Variants in NCKAP5 observed in about 807,000 individuals in gnomAD.
The protein encoded by NCKAP5 is nck-associated protein 5.
In NCKAP5, 92 loss-of-function variants were observed where a neutral mutation model predicts 167.0. The observed-to-expected ratio is 0.55, with a 90% CI of 0.47 to 0.66. NCKAP5 has a LOEUF of 0.66. Among genes scored for constraint, NCKAP5 ranks in the 30% least tolerant of loss-of-function variants. NCKAP5 has a pLI of 0.00. For synonymous variants in NCKAP5, 891 were observed against 877.4 expected, an observed-to-expected ratio of 1.02 and a Z score of -0.27; for missense variants, 2,378 against 2,315.0, an observed-to-expected ratio of 1.03 and a Z score of -0.56.
the NCKAP5 span, among the ~76,000 whole-genome samples, chr2:133,631,851 C>A: frequency 6.6e-6 from 1 of 152,074 alleles, no homozygotes; most frequent in Admixed American, 6.5e-5. Flanking sequence ...CTGAAGAGGG[C>A]AACTCTTGGG....
chr2:133,304,565 T>C (rs530634609), intron 3 of NCKAP5, among the ~76,000 whole-genome samples: 1 of 152,242 alleles, frequency 6.6e-6, no homozygotes, highest in Non-Finnish European at 1.5e-5. Flanking sequence ...TTAACTGTCC[T>C]GATCAAGGCT....
intron 4 of NCKAP5, among the ~76,000 whole-genome samples, chr2:133,243,994 A>G (rs2087853746): frequency 6.6e-6 from 1 of 152,252 alleles, no homozygotes; most frequent in Non-Finnish European, 1.5e-5. Context: ...CTCCCTCAAT[A>G]GGAAAATGGT....
intron 11 of NCKAP5, among the ~76,000 whole-genome samples, chr2:132,801,015 C>T (rs370644639): frequency 2.6e-5 from 4 of 152,148 alleles, no homozygotes; most frequent in Middle Eastern, 3.2e-3. Context: ...CCACATGACA[C>T]GTTTAGTTCT....
At chr2:132,938,519 C>T (rs576352634) in intron 8 of NCKAP5, among the ~76,000 whole-genome samples, 10 of 152,154 alleles carry the variant, frequency 6.6e-5, no homozygotes, top group Admixed American at 2.6e-4. Flanking sequence ...CATCTCAGAC[C>T]GAGACTCTCC....
chr2:132,673,072 T>A lies in NCKAP5; in HGVS notation c.*217A>T. The A allele has an allele frequency of 8.6e-7, 1 of 1,168,442 alleles. No individual in the cohort carries two copies. The highest frequency in any genetic ancestry group is 1.1e-6 in the Non-Finnish European group (1 of 948,850). The allele number at this position is 1,168,442 out of a possible 1,614,324, so 72.4% of individuals were successfully genotyped here. Reference sequence around the variant, plus strand: ...TGGCACAGGAAGAGAAGCTATCATATAAAGAATCACTCAAAGATTCCAAGT... The same window carrying A: ...TGGCACAGGAAGAGAAGCTATCATAAAAAGAATCACTCAAAGATTCCAAGT... On this transcript the variant is annotated 3_prime_UTR_variant, in exon 20 of 20. Coordinates refer to ENST00000409261, the MANE Select transcript of NCKAP5 (RefSeq NM_207363.3).
chr2:133,631,609 G>A, the NCKAP5 span, among the ~76,000 whole-genome samples: 6 of 152,132 alleles, frequency 3.9e-5, no homozygotes, highest in South Asian at 2.1e-4. Flanking sequence ...ATCTTCTCAC[G>A]TGACATTGGA....
intron 7 of NCKAP5, among the ~76,000 whole-genome samples, chr2:132,972,484 G>A (rs1322279404): frequency 6.6e-6 from 1 of 152,116 alleles, no homozygotes; most frequent in African/African-American, 2.4e-5. Flanking sequence ...CCAGCACTTT[G>A]GAAGGCTGAG....
intron 3 of NCKAP5, among the ~76,000 whole-genome samples, chr2:133,508,869 T>C (rs947670325): frequency 6.6e-6 from 1 of 152,252 alleles, no homozygotes; most frequent in Non-Finnish European, 1.5e-5. Flanking sequence ...TTTGTACTTA[T>C]TTCTGCTATA....
intron 8 of NCKAP5, among the ~76,000 whole-genome samples, chr2:132,923,673 A>T (rs2149017486): frequency 6.6e-6 from 1 of 152,358 alleles, no homozygotes; most frequent in Admixed American, 6.5e-5. Context: ...GACGCTAAGG[A>T]TTAAATGAAA....
chr2:133,303,487 G>A (rs1334144373), intron 3 of NCKAP5, among the ~76,000 whole-genome samples: 1 of 152,142 alleles, frequency 6.6e-6, no homozygotes, highest in Non-Finnish European at 1.5e-5. Context: ...CTGGTCTTAT[G>A]ACAGTCATGT....
At chr2:133,013,987 C>A (rs1000845142) in intron 6 of NCKAP5, among the ~76,000 whole-genome samples, 1 of 152,266 alleles carries the variant, frequency 6.6e-6, no homozygotes, top group East Asian at 1.9e-4. Context: ...TTTCCTTGAC[C>A]AATGCCTCTA....
intron 3 of NCKAP5, among the ~76,000 whole-genome samples, chr2:133,442,371 T>A (rs1399243719): frequency 6.6e-6 from 1 of 152,150 alleles, no homozygotes; most frequent in South Asian, 2.1e-4. Context: ...ACCTTCCCCA[T>A]CTGTGAGTCA....
At chr2:133,459,655 A>C (rs893963284) in intron 3 of NCKAP5, among the ~76,000 whole-genome samples, 1 of 152,168 alleles carries the variant, frequency 6.6e-6, no homozygotes, top group Non-Finnish European at 1.5e-5. Flanking sequence ...ATCCTCAAAA[A>C]CTGCAATGGC....
chr2:132,744,342 G>T (rs908843371), intron 16 of NCKAP5, among the ~76,000 whole-genome samples: 2 of 151,596 alleles, frequency 1.3e-5, no homozygotes, highest in Non-Finnish European at 3.0e-5. Flanking sequence ...GAGCATCAGA[G>T]AATTAAAAGA....
At chr2:133,213,840 G>T in intron 4 of NCKAP5, 61 bp from the exon 5 acceptor site, 1 of 1,532,804 alleles carries the variant, frequency 6.5e-7, no homozygotes, top group Non-Finnish European at 9.0e-7. Context: ...ACACTGGCAT[G>T]GCCGTGAAAC....
chr2:132,783,546 T>C lies in NCKAP5; in HGVS notation c.3265A>G (p.Lys1089Glu), dbSNP rs1574196635. The C allele has an allele frequency of 6.2e-7, 1 of 1,613,924 alleles. No homozygotes were observed. Among genetic ancestry groups the C allele is most frequent in the Non-Finnish European group, 8.5e-7 (1 of 1,179,874 alleles). Residue 1089 changes from lysine to glutamate, a missense_variant, in exon 14 of 20, where the codon AAA becomes GAA. Coordinates refer to ENST00000409261, the MANE Select transcript of NCKAP5 (RefSeq NM_207363.3). ...TSSKSVSPGR[K>E]GQLNDSASTP... The stretch of plus-strand genomic sequence containing the variant: ...GAGGCGCTATCATTCAATTGTCCTT[T>C]TCTCCCTGGAGATACACTTTTGGAG...
At chr2:132,906,531 A>T (rs1328166799) in intron 8 of NCKAP5, among the ~76,000 whole-genome samples, 1 of 152,156 alleles carries the variant, frequency 6.6e-6, no homozygotes, top group Non-Finnish European at 1.5e-5. Flanking sequence ...GCATGAAAAT[A>T]CTTATAACTC....
chr2:133,140,461 G>A (rs1257363162), intron 5 of NCKAP5, among the ~76,000 whole-genome samples: 1 of 151,928 alleles, frequency 6.6e-6, no homozygotes. Context: ...TCAAACTTTT[G>A]GTCCCTATGT....
intron 7 of NCKAP5, among the ~76,000 whole-genome samples, chr2:132,972,181 C>T (rs532420539): frequency 2.0e-5 from 3 of 152,256 alleles, no homozygotes; most frequent in African/African-American, 7.2e-5. Context: ...AACCCTACTT[C>T]AGTAATAGAT....
Sources: gnomAD v4.1 joint callset for allele counts (sites outside exome capture counted in the v4.1 genomes callset) on GRCh38, gnomAD v4.1.1 for gene constraint, MANE v1.5 for transcripts, NCBI Gene and HGNC (gene_info 2026-07-23, HGNC 2026-07-21) for gene names.